Variants in PLCE1 observed in about 807,000 individuals in gnomAD.
PLCE1 encodes 1-phosphatidylinositol 4,5-bisphosphate phosphodiesterase epsilon-1.
Under a neutral mutation model 242.8 loss-of-function variants are expected in PLCE1, and 119 were observed. That is an observed-to-expected ratio of 0.49 (90% CI 0.42 to 0.57). The LOEUF is 0.57. PLCE1 is among the 20% of genes least tolerant of loss of function. PLCE1 has a pLI of 0.00. For synonymous variants in PLCE1, 945 were observed against 1,017.4 expected (o/e 0.93, Z 1.35); for missense variants, 2,441 against 2,788.8 (o/e 0.88, Z 2.81).
chr10:94,047,713 A>G (rs1214475088), intron 2 of PLCE1, among the ~76,000 whole-genome samples: 4 of 152,088 alleles, frequency 2.6e-5, no homozygotes. Flanking sequence ...GCACCGATGA[A>G]CTTAACAGCC....
At chr10:94,288,199 C>A (rs1354362470) in intron 22 of PLCE1, among the ~76,000 whole-genome samples, 3 of 152,178 alleles carry the variant, frequency 2.0e-5, no homozygotes, top group East Asian at 3.9e-4. Context: ...TAAGTCATAC[C>A]CACCAGGTAG....
intron 32 of PLCE1, chr10:94,325,762 T>C (rs2053992487): frequency 6.6e-6 from 1 of 152,220 alleles, no homozygotes; most frequent in Non-Finnish European, 1.5e-5. Flanking sequence ...TCTTCAGTAT[T>C]AATAGCTGAC....
chr10:94,126,484 G>A (rs550622360), intron 2 of PLCE1, among the ~76,000 whole-genome samples: 6 of 152,174 alleles, frequency 3.9e-5, no homozygotes, highest in Middle Eastern at 3.2e-3. Flanking sequence ...AATGAAGCTC[G>A]TCTTGCTCAC....
At chr10:94,272,014 G>A (rs1239715668) in intron 18 of PLCE1, among the ~76,000 whole-genome samples, 2 of 152,116 alleles carry the variant, frequency 1.3e-5, no homozygotes, top group African/African-American at 2.4e-5. Context: ...ACAGGACCAG[G>A]GCAAAATCAG....
intron 4 of PLCE1, among the ~76,000 whole-genome samples, chr10:94,220,445 G>A (rs1043698184): frequency 2.5e-5 from 3 of 117,740 alleles, no homozygotes; most frequent in Non-Finnish European, 5.0e-5. Flanking sequence ...ATAGAAACAT[G>A]CTCTTTTATT....
chr10:94,111,338 A>G (rs1158535838), intron 2 of PLCE1, among the ~76,000 whole-genome samples: 2 of 152,180 alleles, frequency 1.3e-5, no homozygotes, highest in African/African-American at 4.8e-5. Context: ...GAGGCTCACT[A>G]GGACTGAGAC....
chr10:94,085,069 A>G (rs2044765143), intron 2 of PLCE1, among the ~76,000 whole-genome samples: 2 of 152,232 alleles, frequency 1.3e-5, no homozygotes, highest in African/African-American at 4.8e-5. Context: ...ACAATAACAA[A>G]TAAAATGTAT....
intron 2 of PLCE1, among the ~76,000 whole-genome samples, chr10:94,112,165 TAC>T (rs2045975871): frequency 6.6e-6 from 1 of 152,114 alleles, no homozygotes; most frequent in Admixed American, 6.5e-5. Flanking sequence ...GTATTAGAGA[TAC>T]ATATTTAATA....
chr10:94,085,654 G>T (rs1007230473), intron 2 of PLCE1, among the ~76,000 whole-genome samples: 2 of 152,220 alleles, frequency 1.3e-5, no homozygotes, highest in Non-Finnish European at 2.9e-5. Context: ...TGGCACTAAA[G>T]GGGGAACTAG....
At chr10:94,000,684 T>G (rs1333194355) in intron 1 of PLCE1, among the ~76,000 whole-genome samples, 1 of 152,198 alleles carries the variant, frequency 6.6e-6, no homozygotes, top group East Asian at 1.9e-4. Context: ...CTCTGAATGG[T>G]GTTGCAGCTG....
intron 2 of PLCE1, among the ~76,000 whole-genome samples, chr10:94,111,643 C>T (rs1191742350): frequency 7.1e-6 from 1 of 141,272 alleles, no homozygotes; most frequent in Non-Finnish European, 1.5e-5. Context: ...TGGGTCTAGA[C>T]TGAGGCATTT....
rs201651470 is a variant in PLCE1, at chr10:94,289,740, GC to G, written c.5036-3767del. Among the ~76,000 whole-genome samples, 988 of 152,288 alleles carry G rather than the reference GC, an allele frequency of 6.5e-3. 14 individuals carry two copies. The highest frequency in any genetic ancestry group is 0.022 in the African/African-American group (920 of 41,560). On this transcript the variant is annotated intron_variant, in intron 22 of 32. Transcript: ENST00000371380. ...AGGGCACTTATCATGAATGAAGCTT[GC>G]AAGACTGGAAGTTGCTCTAGGTGGA... is the stretch of plus-strand genomic sequence containing the variant.
chr10:94,197,421 T>C (rs1225736913), intron 4 of PLCE1, among the ~76,000 whole-genome samples: 2 of 152,176 alleles, frequency 1.3e-5, no homozygotes, highest in African/African-American at 4.8e-5. Flanking sequence ...CTCCAAAGTG[T>C]CTGCACCATT....
In PLCE1 at chr10:94,258,368, A is replaced by G. The variant is rs182237692; in HGVS notation, c.3555-432A>G. ...GGTTAAGAAAGGAATCAGACAATAC[A>G]CTCAAAGGTTTCTTCTTAAATGTAA... On this transcript the variant is annotated intron_variant, in intron 11 of 32. Coordinates refer to ENST00000371380, the MANE Select transcript of PLCE1 (RefSeq NM_016341.4). 5.7e-4 allele frequency among the ~76,000 whole-genome samples: 87 copies of G among 152,314 alleles called. 1 individual carries two copies. The highest frequency in any genetic ancestry group is 3.4e-4 in the Non-Finnish European group (23 of 68,036).
intron 2 of PLCE1, chr10:94,096,397 G>A (rs920168467): frequency 6.6e-6 from 1 of 152,204 alleles, no homozygotes; most frequent in Non-Finnish European, 1.5e-5. Context: ...AAGGGCTGGG[G>A]AGGCCTCATG....
rs185493583 is a variant in PLCE1, at chr10:94,058,080, A to G, written c.1206+25828A>G. Reference sequence around the variant, plus strand: ...TTGTTAGCTATGTGGCCATCTTTTTACAATAGAAACCCAACCTTAACTGAA... The same window carrying G: ...TTGTTAGCTATGTGGCCATCTTTTTGCAATAGAAACCCAACCTTAACTGAA... On this transcript the variant is annotated intron_variant, in intron 2 of 32. Transcript: ENST00000371380. 1.3e-3 allele frequency among the ~76,000 whole-genome samples: 194 copies of G among 152,296 alleles called. 1 individual carries two copies. The highest frequency in any genetic ancestry group is 3.9e-3 in the African/African-American group (163 of 41,550).
intron 2 of PLCE1, chr10:94,099,799 T>C (rs1355295789): frequency 1.3e-5 from 2 of 152,128 alleles, no homozygotes; most frequent in African/African-American, 4.8e-5. Context: ...GCAGGGAGGA[T>C]CCAGTGGGTC....
intron 3 of PLCE1, among the ~76,000 whole-genome samples, chr10:94,143,621 TCTA>T (rs1239714162): frequency 6.6e-6 from 1 of 152,182 alleles, no homozygotes; most frequent in African/African-American, 2.4e-5. Flanking sequence ...AATTTAAACT[TCTA>T]CTGGAATTGA....
At chr10:94,144,960 G>A (rs1488203874) in intron 3 of PLCE1, among the ~76,000 whole-genome samples, 2 of 152,222 alleles carry the variant, frequency 1.3e-5, no homozygotes, top group Non-Finnish European at 2.9e-5. Context: ...CAAACTGCCA[G>A]ATAACATAGG....
Sources: gnomAD v4.1 joint callset for allele counts (sites outside exome capture counted in the v4.1 genomes callset) on GRCh38, gnomAD v4.1.1 for gene constraint, MANE v1.5 for transcripts, NCBI Gene and HGNC (gene_info 2026-07-23, HGNC 2026-07-21) for gene names.